VPS13C: variants seen among roughly 807,000 people sequenced by gnomAD.
VPS13C encodes vacuolar protein sorting 13 homolog C.
VPS13C carries 358 observed loss-of-function variants against 456.8 expected under a neutral mutation model. The ratio of observed to expected loss-of-function variants is 0.78; its 90% CI spans 0.72 to 0.86. The LOEUF is 0.86. Ranked by LOEUF, VPS13C falls within the 40% of genes least tolerant of loss-of-function variation. The pLI, the probability that VPS13C is intolerant of heterozygous loss-of-function variation, is 0.00. For synonymous variants in VPS13C, 1,578 were observed against 1,486.7 expected (o/e 1.06, Z -1.41); for missense variants, 4,818 against 4,385.4 (o/e 1.10, Z -2.79).
rs755493996 is a variant in VPS13C, at chr15:61,941,769, A to C, written c.5447T>G (p.Leu1816Arg). The C allele has an allele frequency of 8.1e-6, 13 of 1,608,360 alleles. No homozygotes were observed. The highest frequency in any genetic ancestry group is 1.1e-5 in the Non-Finnish European group (13 of 1,176,832). ...TTAGATTACATATTTATACCTTGAC[A>C]GCTTCAACTGAGTGAGTTCGATGTT... is the stretch of plus-strand genomic sequence containing the variant. Reference protein sequence around the residue: ...KMNIELTQLKLSRTILQASLP... With the variant: ...KMNIELTQLKRSRTILQASLP... Residue 1816 changes from leucine (L) to arginine (R), a missense_variant, in exon 46 of 85, where the codon CTG (leucine) becomes CGG (arginine). Physicochemically the swap from Leu to Arg is moderately radical, Grantham distance 102 (BLOSUM62 -2). Transcript: ENST00000644861.
In VPS13C at chr15:61,977,091, C is replaced by A; in HGVS notation, c.2399G>T (p.Arg800Ile). The change falls in exon 24 of 85, where the codon AGA becomes ATA. Residue 800 changes from arginine to isoleucine, a missense_variant. By Grantham distance (97) the Arg-to-Ile change is moderately conservative. Transcript: ENST00000644861. ...LAKAMVEKDI[R>I]MARFKVSGGL... Reference sequence around the variant, plus strand: ...GAAGTTTATACATTACCTGGCCATTCTAATGTCTTTTTCTACCATGGCCTT... The same window carrying A: ...GAAGTTTATACATTACCTGGCCATTATAATGTCTTTTTCTACCATGGCCTT... 6.3e-7 allele frequency: 1 copy of A among 1,596,976 alleles called. No individual in the cohort carries two copies. Among genetic ancestry groups the A allele is most frequent in the Non-Finnish European group, 8.5e-7 (1 of 1,171,198 alleles).
rs533850265 is a variant in VPS13C, at chr15:61,887,698, A to C, written c.9341+2467T>G. ...AGAGTGACACTCTGTCTCAAAAATA[A>C]ATACATACATACATATATAAAAATA... is the stretch of plus-strand genomic sequence containing the variant. On this transcript the variant is annotated intron_variant, in intron 67 of 84. Coordinates refer to ENST00000644861, the MANE Select transcript of VPS13C (RefSeq NM_020821.3). Among the ~76,000 whole-genome samples the C allele has an allele frequency of 2.0e-5, 3 of 152,242 alleles. No individual in the cohort carries two copies. In the East Asian group the frequency reaches 5.8e-4, roughly 29 times the overall value.
At chr15:62,025,826 C>G (rs562601442) in intron 6 of VPS13C, among the ~76,000 whole-genome samples, 1 of 151,906 alleles carries the variant, frequency 6.6e-6, no homozygotes, top group South Asian at 2.1e-4. Flanking sequence ...CTCTAAAGAA[C>G]TTTTTATTTA....
intron 66 of VPS13C, among the ~76,000 whole-genome samples, chr15:61,893,691 G>A (rs1016057613): frequency 6.6e-6 from 1 of 150,982 alleles, no homozygotes; most frequent in Admixed American, 6.6e-5. Flanking sequence ...CTCTTAATAG[G>A]CAATACAAAA....
chr15:61,984,565 T>A (rs1321824274), intron 19 of VPS13C, among the ~76,000 whole-genome samples: 1 of 152,240 alleles, frequency 6.6e-6, no homozygotes, highest in African/African-American at 2.4e-5. Flanking sequence ...CATACATTTC[T>A]TGAAAACAAA....
intron 64 of VPS13C, among the ~76,000 whole-genome samples, chr15:61,909,548 C>T (rs536944880): frequency 2.6e-5 from 4 of 152,318 alleles, no homozygotes; most frequent in African/African-American, 9.6e-5. Context: ...TGGCTCTGAT[C>T]TGTTATAAAT....
intron 15 of VPS13C, among the ~76,000 whole-genome samples, chr15:62,006,382 G>C (rs1383783029): frequency 6.6e-6 from 1 of 152,024 alleles, no homozygotes; most frequent in Non-Finnish European, 1.5e-5. Flanking sequence ...GCGATAGTTT[G>C]CTGAGAATGA....
In VPS13C at chr15:61,881,812, G is replaced by T. The variant is rs770698942; in HGVS notation, c.9641C>A (p.Pro3214Gln). The change falls in exon 70 of 85, where the codon CCA becomes CAA. Residue 3214 changes from proline (P) to glutamine (Q), a missense_variant. Pro to Gln is a moderately conservative substitution (Grantham distance 76, BLOSUM62 -1). Coordinates refer to ENST00000644861, the MANE Select transcript of VPS13C (RefSeq NM_020821.3). ...LYWLQVDNQL[P>Q]GAMFPVVFHP... ...AAATACAACAGGGAACATTGCACCTGGTAACTGATTATCAACCTGAAAGAA... is the reference window on the plus strand; with the variant it reads ...AAATACAACAGGGAACATTGCACCTTGTAACTGATTATCAACCTGAAAGAA... 3.1e-6 allele frequency: 5 copies of T among 1,593,602 alleles called. No individual in the cohort carries two copies. Among genetic ancestry groups the T allele is most frequent in the Non-Finnish European group, 4.3e-6 (5 of 1,175,024 alleles).
Position 61,909,103 on chromosome 15 carries a change from A to G in VPS13C, c.8867T>C (p.Val2956Ala). The G allele has an allele frequency of 6.2e-7, 1 of 1,613,310 alleles. No individual in the cohort carries two copies. Among genetic ancestry groups the G allele is most frequent in the Non-Finnish European group, 8.5e-7 (1 of 1,179,836 alleles). Residue 2956 changes from valine to alanine, a missense_variant, in exon 65 of 85, where the codon GTA becomes GCA. Around this residue, in one of 3 missense-constraint regions of VPS13C, gnomAD observed 4,552 missense variants for 4,130.6 expected, o/e 1.10. Transcript: ENST00000644861. ...EDLNGGILVDVNTAEHSTVIT... is the reference protein window; with the variant it reads ...EDLNGGILVDANTAEHSTVIT... The stretch of plus-strand genomic sequence containing the variant: ...GACAGTTGAATGTTCGGCAGTGTTT[A>G]CATCCACCAAGATACCCCCATTCTA...
intron 6 of VPS13C, among the ~76,000 whole-genome samples, chr15:62,025,644 C>T (rs2047612708): frequency 6.6e-6 from 1 of 152,036 alleles, no homozygotes; most frequent in African/African-American, 2.4e-5. Flanking sequence ...GCAGATACAC[C>T]ATGTTTAAAC....
chr15:61,888,664 C>G (rs1000304384), intron 67 of VPS13C, among the ~76,000 whole-genome samples: 1 of 151,898 alleles, frequency 6.6e-6, no homozygotes, highest in Non-Finnish European at 1.5e-5. Flanking sequence ...ACTTTGGAGA[C>G]AATAAAAAGA....
At chr15:61,871,856 A>C in intron 79 of VPS13C, 133 bp downstream of exon 79, 1 of 742,492 alleles carries the variant, frequency 1.3e-6, no homozygotes, top group Non-Finnish European at 2.1e-6. Flanking sequence ...TCATTGAGCA[A>C]CTTAAGGCTA....
chr15:62,060,229 T>G, intron 1 of VPS13C, 46 bp downstream of exon 1: 1 of 1,168,186 alleles, frequency 8.6e-7, no homozygotes, highest in Non-Finnish European at 1.3e-6. Context: ...AGCCCTCGGC[T>G]GGGCCCTCAG....
chr15:61,909,357 G>A (rs2043235667), intron 64 of VPS13C, among the ~76,000 whole-genome samples: 1 of 152,136 alleles, frequency 6.6e-6, no homozygotes, highest in Non-Finnish European at 1.5e-5. Flanking sequence ...ACAGGCATGT[G>A]CCACCATGCC....
chr15:61,948,391 A>G (rs560992641), intron 42 of VPS13C, among the ~76,000 whole-genome samples: 4 of 152,118 alleles, frequency 2.6e-5, no homozygotes, highest in Non-Finnish European at 5.9e-5. Context: ...GTTTAAAAAA[A>G]TCACATCCGG....
chr15:62,030,569 T>C (rs998921754), intron 5 of VPS13C, among the ~76,000 whole-genome samples: 4 of 152,252 alleles, frequency 2.6e-5, no homozygotes, highest in African/African-American at 2.4e-5. Context: ...TTTATAGCAA[T>C]GCAAAAACTG....
chr15:62,037,411 T>C (rs1567137370), intron 3 of VPS13C, among the ~76,000 whole-genome samples: 1 of 92,022 alleles, frequency 1.1e-5, no homozygotes, highest in Non-Finnish European at 2.2e-5. Flanking sequence ...TATAAATATA[T>C]ATAATATGTT....
At chr15:61,924,759 T>C (rs186339311) in intron 53 of VPS13C, among the ~76,000 whole-genome samples, 138 of 151,646 alleles carry the variant, frequency 9.1e-4, no homozygotes, top group Admixed American at 2.0e-3. Flanking sequence ...GTTCAATCAC[T>C]GTTGGTCACG....
intron 16 of VPS13C, among the ~76,000 whole-genome samples, chr15:61,997,597 CCT>C: frequency 6.6e-6 from 1 of 152,258 alleles, no homozygotes; most frequent in African/African-American, 2.4e-5. Flanking sequence ...CCATCTTCCC[CCT>C]CTTATTTGAT....
Sources: gnomAD v4.1 joint callset for allele counts (sites outside exome capture counted in the v4.1 genomes callset) on GRCh38, gnomAD v4.1.1 for gene constraint, gnomAD v4.1.1 regional missense constraint, MANE v1.5 for transcripts, NCBI Gene and HGNC (gene_info 2026-07-23, HGNC 2026-07-21) for gene names.